COL4A3: variants seen among roughly 807,000 people sequenced by gnomAD.
COL4A3 encodes collagen type IV alpha 3 chain, also known as collagen alpha-3(IV) chain.
Under a neutral mutation model 217.4 loss-of-function variants are expected in COL4A3, and 135 were observed. The ratio of observed to expected loss-of-function variants is 0.62; its 90% CI spans 0.54 to 0.72. COL4A3 has a LOEUF of 0.72. COL4A3 is among the 30% of genes least tolerant of loss of function. The pLI, the probability that COL4A3 is intolerant of heterozygous loss-of-function variation, is 0.00. For missense variants in COL4A3, 1,868 were observed against 2,119.9 expected (o/e 0.88, Z 2.33); for synonymous variants, 690 against 736.3 (o/e 0.94, Z 1.02).
Position 227,282,499 on chromosome 2 carries a change from T to C in COL4A3, c.2623T>C (p.Tyr875His), listed in dbSNP as rs2072048616. 1 of 1,613,694 alleles carries C rather than the reference T, an allele frequency of 6.2e-7. No individual in the cohort carries two copies. Among genetic ancestry groups the C allele is most frequent in the East Asian group, 2.2e-5 (1 of 44,862 alleles). Residue 875 changes from tyrosine to histidine, a missense_variant, in exon 32 of 52, where the codon TAT becomes CAT. Physicochemically the swap from Tyr to His is moderately conservative, Grantham distance 83. Around this residue, in one of 2 missense-constraint regions of COL4A3, gnomAD observed 1,503 missense variants for 1,786.1 expected, o/e 0.84. Transcript: ENST00000396578. The surrounding 1 kb of genome is among the most constrained non-coding windows in gnomAD (Gnocchi z 4.4). The stretch of plus-strand genomic sequence containing the variant: ...AATGGGACCACTGGGTCAAAGAGGA[T>C]ATCCAGGAAATCCGGGAATTTTAGG... ...GEMGPLGQRG[Y>H]PGNPGILGPP... is the part of the protein sequence containing the mutation.
At chr2:227,231,824 G>T (rs971250438) in intron 1 of COL4A3, among the ~76,000 whole-genome samples, 6 of 150,862 alleles carry the variant, frequency 4.0e-5, no homozygotes, top group Non-Finnish European at 8.9e-5. Flanking sequence ...GAACCCTCGT[G>T]CCTGGCTGCA....
chr2:227,246,578 T>A, intron 6 of COL4A3, 107 bp from the exon 7 acceptor site: 1 of 874,588 alleles, frequency 1.1e-6, no homozygotes, highest in South Asian at 1.4e-5. Flanking sequence ...TCGGGTTACT[T>A]TGTCTAGATT....
rs374200003 is a variant in COL4A3 at position 227,269,854 on chromosome 2, G to A, written c.1505-56G>A. 3.7e-5 allele frequency: 53 copies of A among 1,414,360 alleles called. 1 individual carries two copies. In the South Asian group the frequency reaches 5.7e-4, roughly 15 times the overall value. The allele number at this position is 1,414,360 out of a possible 1,614,324, so 87.6% of individuals were successfully genotyped here. A position where few individuals can be genotyped will look rare whatever the true frequency, so the allele number is the denominator to read the frequency against. On this transcript the variant is annotated intron_variant, in intron 23 of 51. Coordinates refer to ENST00000396578, the MANE Select transcript of COL4A3 (RefSeq NM_000091.5). ...TTTTCTTCATACATTGTATTACCCT[G>A]TCTACTTAGAGTTGGCGTTCAATGA...
chr2:227,270,811 A>G lies in COL4A3; in HGVS notation c.1617A>G (p.Glu539=). 1 of 1,614,176 alleles carries G rather than the reference A, an allele frequency of 6.2e-7. No individual in the cohort carries two copies. The highest frequency in any genetic ancestry group is 8.5e-7 in the Non-Finnish European group (1 of 1,180,028). Residue 539 remains glutamate (E), a synonymous_variant, in exon 25 of 52, where the codon GAA becomes GAG. Transcript: ENST00000396578. ...AGGGTGACCCAGGACTTAAAGGAGA[A>G]AAAGGTGAAACACTTCAGCCTGAGG... ...GAQGDPGLKG[E]KGETLQPEGQ...
chr2:227,309,480 T>TA (rs1055421179), intron 50 of COL4A3, among the ~76,000 whole-genome samples, 162 bp downstream of exon 50: 2 of 152,202 alleles, frequency 1.3e-5, no homozygotes, highest in South Asian at 2.1e-4. Flanking sequence ...TTTTTTTTTT[T>TA]ACTTTTGGTA....
intron 1 of COL4A3, among the ~76,000 whole-genome samples, chr2:227,202,475 T>C (rs1220409241): frequency 6.6e-6 from 1 of 151,902 alleles, no homozygotes; most frequent in Non-Finnish European, 1.5e-5. Flanking sequence ...CCGGGCGCGG[T>C]GGCTCTCTCC....
chr2:227,184,465 G>A (rs889512051), intron 1 of COL4A3, among the ~76,000 whole-genome samples: 2 of 152,146 alleles, frequency 1.3e-5, no homozygotes, highest in African/African-American at 4.8e-5. Flanking sequence ...TGCCAGCTTG[G>A]TTTCAGCTTC....
Position 227,307,871 on chromosome 2 carries a change from T to G in COL4A3, c.4414T>G (p.Ser1472Ala). Residue 1472 changes from serine to alanine, a missense_variant, in exon 48 of 52, where the codon TCT becomes GCT. Physicochemically the swap from Ser to Ala is moderately conservative, Grantham distance 99. This residue lies in a region of COL4A3 where 1,503 missense variants were observed against 1,786.1 expected (regional missense o/e 0.84). Transcript: ENST00000396578. ...GACAGTGCCACTCTACAGTGGGTTT[T>G]CTTTTCTTTTTGTACAAGGAAATCA... ...EGTVPLYSGF[S>A]FLFVQGNQRA... 6.2e-7 allele frequency: 1 copy of G among 1,614,180 alleles called. No individual in the cohort carries two copies. The highest frequency in any genetic ancestry group is 1.1e-5 in the South Asian group (1 of 91,078).
intron 1 of COL4A3, among the ~76,000 whole-genome samples, chr2:227,221,832 G>T (rs2067803237): frequency 6.6e-6 from 1 of 151,812 alleles, no homozygotes; most frequent in South Asian, 2.1e-4. Flanking sequence ...ATGAATAAAT[G>T]ATACCACTTC....
intron 1 of COL4A3, among the ~76,000 whole-genome samples, chr2:227,205,710 A>ATT (rs398105402): frequency 0.18 from 27,517 of 149,582 alleles, 2,602 homozygotes; most frequent in East Asian, 0.23. Flanking sequence ...TTCAACAAAT[A>ATT]TTTTTTTTTT....
At chr2:227,288,869 T>C (rs2072498495) in intron 34 of COL4A3, among the ~76,000 whole-genome samples, 1 of 152,070 alleles carries the variant, frequency 6.6e-6, no homozygotes, top group Non-Finnish European at 1.5e-5. Flanking sequence ...ACTACAGTAA[T>C]ATGCCATCGG....
At chr2:227,226,604 G>A (rs1236886188) in intron 1 of COL4A3, among the ~76,000 whole-genome samples, 1 of 151,956 alleles carries the variant, frequency 6.6e-6, no homozygotes, top group Non-Finnish European at 1.5e-5. Context: ...CAGGTAGCTG[G>A]GATTATAGGC....
chr2:227,242,218 C>T lies in COL4A3; in HGVS notation c.234+1986C>T, dbSNP rs116166971. ...AATAAATCAGGGGTTCCCATGACCTCCTCCTCTGCTTTGATAATTTGCTAA... is the reference window on the plus strand; with the variant it reads ...AATAAATCAGGGGTTCCCATGACCTTCTCCTCTGCTTTGATAATTTGCTAA... On this transcript the variant is annotated intron_variant, in intron 3 of 51. Coordinates refer to ENST00000396578, the MANE Select transcript of COL4A3 (RefSeq NM_000091.5). Among the ~76,000 whole-genome samples, 977 of 152,272 alleles carry T rather than the reference C, an allele frequency of 6.4e-3. 6 individuals are homozygous for T. The highest frequency in any genetic ancestry group is 9.1e-3 in the Non-Finnish European group (621 of 68,028).
At chr2:227,298,618 A>G (rs1220496819) in intron 42 of COL4A3, 64 bp from the exon 43 acceptor site, 1 of 1,605,788 alleles carries the variant, frequency 6.2e-7, no homozygotes, top group Non-Finnish European at 8.5e-7. Context: ...AGAAACAATC[A>G]CTGATAAATA....
At chr2:227,306,467 C>G (rs1238477182) in intron 47 of COL4A3, among the ~76,000 whole-genome samples, 3 of 152,088 alleles carry the variant, frequency 2.0e-5, no homozygotes, top group African/African-American at 7.2e-5. Context: ...AACTATAGCT[C>G]CCTCTGAATG....
rs564887581 is a variant in COL4A3 at position 227,299,627 on chromosome 2, T to C, written c.3882+815T>C. Among the ~76,000 whole-genome samples, 3 of 152,278 alleles carry C rather than the reference T, an allele frequency of 2.0e-5. No homozygotes were observed. In the South Asian group the frequency reaches 6.2e-4, roughly 32 times the overall value. On this transcript the variant is annotated intron_variant, in intron 43 of 51. Coordinates refer to ENST00000396578, the MANE Select transcript of COL4A3 (RefSeq NM_000091.5). ...AAGAGTACTATTATACTCTTATAAA[T>C]TAATTGCCAGATCAGATGGGCCTGG... is the stretch of plus-strand genomic sequence containing the variant.
At chr2:227,190,328 A>G (rs1559806536) in intron 1 of COL4A3, among the ~76,000 whole-genome samples, 1 of 152,192 alleles carries the variant, frequency 6.6e-6, no homozygotes, top group Non-Finnish European at 1.5e-5. Context: ...GGCTCTGCAA[A>G]CATGCCTTGA....
chr2:227,261,263 G>A (rs1489521795), intron 20 of COL4A3, 146 bp downstream of exon 20: 2 of 723,206 alleles, frequency 2.8e-6, no homozygotes, highest in Non-Finnish European at 4.5e-6. Context: ...AATGGCTCAC[G>A]CCTGTAATCC....
chr2:227,256,961 G>T (rs1356547970), intron 17 of COL4A3, among the ~76,000 whole-genome samples: 1 of 152,194 alleles, frequency 6.6e-6, no homozygotes, highest in African/African-American at 2.4e-5. Flanking sequence ...GTTGCTCCTG[G>T]ACTACAAACC....
Sources: gnomAD v4.1 joint callset for allele counts (sites outside exome capture counted in the v4.1 genomes callset) on GRCh38, gnomAD v4.1.1 for gene constraint, gnomAD v4.1.1 regional missense constraint, Gnocchi (gnomAD v3.1) non-coding constraint, MANE v1.5 for transcripts, NCBI Gene and HGNC (gene_info 2026-07-23, HGNC 2026-07-21) for gene names.